Variants in SLC41A2 observed in about 807,000 individuals in gnomAD.
The protein encoded by SLC41A2 is SLC41A1-like 1.
SLC41A2 carries 32 observed loss-of-function variants against 58.3 expected under a neutral mutation model. That is an observed-to-expected ratio of 0.55 (90% CI 0.41 to 0.74). The LOEUF (loss-of-function observed/expected upper bound fraction) is 0.74, where lower values mean the gene tolerates loss of function less well. Among genes scored for constraint, SLC41A2 ranks in the 30% least tolerant of loss-of-function variants. The pLI is 0.00. For synonymous variants in SLC41A2, 190 were observed against 235.0 expected (o/e 0.81, Z 1.75); for missense variants, 514 against 680.6 (o/e 0.76, Z 2.72).
At chr12:104,820,926 T>C (rs1159907926) in intron 10 of SLC41A2, among the ~76,000 whole-genome samples, 1 of 152,120 alleles carries the variant, frequency 6.6e-6, no homozygotes, top group African/African-American at 2.4e-5. Flanking sequence ...ATTACAGGCA[T>C]GAGCCACTGT....
chr12:104,938,820 A>G (rs77771702), intron 1 of SLC41A2, among the ~76,000 whole-genome samples: 5,828 of 152,252 alleles, frequency 0.038, 154 homozygotes, highest in East Asian at 0.11. Flanking sequence ...CTGACCCACA[A>G]ATTCCTATCC....
intron 6 of SLC41A2, among the ~76,000 whole-genome samples, chr12:104,868,049 A>C (rs757164985): frequency 6.6e-6 from 1 of 151,898 alleles, no homozygotes. Context: ...TATACTAATA[A>C]AATTTATTTT....
chr12:104,807,970 G>A (rs1176893871), intron 10 of SLC41A2, among the ~76,000 whole-genome samples: 1 of 152,212 alleles, frequency 6.6e-6, no homozygotes, highest in East Asian at 1.9e-4. Flanking sequence ...TTTGGGCTGA[G>A]ACGATGGGGT....
intron 10 of SLC41A2, among the ~76,000 whole-genome samples, chr12:104,823,358 T>C (rs186787238): frequency 6.6e-6 from 1 of 152,284 alleles, no homozygotes. Flanking sequence ...AGGTAAATGA[T>C]TTCTTTTTAA....
chr12:104,924,482 C>T (rs559967774), intron 2 of SLC41A2, among the ~76,000 whole-genome samples: 13 of 152,228 alleles, frequency 8.5e-5, no homozygotes, highest in Admixed American at 2.6e-4. Context: ...TGGTGGCTCA[C>T]GCCTGTAATC....
At chr12:104,813,124 A>G (rs2041246878) in intron 10 of SLC41A2, among the ~76,000 whole-genome samples, 1 of 152,144 alleles carries the variant, frequency 6.6e-6, no homozygotes, top group South Asian at 2.1e-4. Flanking sequence ...GGTGGCAGTG[A>G]GCTGAGATTG....
intron 6 of SLC41A2, among the ~76,000 whole-genome samples, chr12:104,884,711 A>T (rs908384902): frequency 5.9e-5 from 9 of 152,168 alleles, no homozygotes; most frequent in African/African-American, 1.9e-4. Context: ...GCACTAACTC[A>T]TGCCTAACTC....
At chr12:104,881,095 A>T (rs1252042415) in intron 6 of SLC41A2, among the ~76,000 whole-genome samples, 1 of 152,078 alleles carries the variant, frequency 6.6e-6, no homozygotes, top group East Asian at 1.9e-4. Flanking sequence ...TTTCTAGTTT[A>T]TTTGCGTAGA....
intron 10 of SLC41A2, among the ~76,000 whole-genome samples, chr12:104,833,101 T>C (rs1264529273): frequency 1.3e-5 from 2 of 152,186 alleles, no homozygotes; most frequent in Non-Finnish European, 2.9e-5. Context: ...TTCTCCTGAG[T>C]GAAGAGCAAA....
chr12:104,916,609 C>G (rs1371410103), intron 2 of SLC41A2, among the ~76,000 whole-genome samples: 1 of 151,924 alleles, frequency 6.6e-6, no homozygotes, highest in African/African-American at 2.4e-5. Context: ...CAGCATGGTA[C>G]TGGTACCAAA....
At chr12:104,859,269 C>T (rs1473885677) in intron 8 of SLC41A2, among the ~76,000 whole-genome samples, 1 of 152,064 alleles carries the variant, frequency 6.6e-6, no homozygotes, top group African/African-American at 2.4e-5. Flanking sequence ...GGAAAAAAAC[C>T]ACTGTTAAAT....
intron 10 of SLC41A2, among the ~76,000 whole-genome samples, chr12:104,813,006 C>T (rs1300980553): frequency 6.6e-6 from 1 of 151,802 alleles, no homozygotes; most frequent in Non-Finnish European, 1.5e-5. Flanking sequence ...TGGTGAAACC[C>T]CATCTGTACT....
In SLC41A2 at chr12:104,916,665, C is replaced by T. The variant is rs546454637; in HGVS notation, c.556-6903G>A. Among the ~76,000 whole-genome samples the T allele has an allele frequency of 2.7e-4, 41 of 152,090 alleles. 1 individual carries two copies. The highest frequency in any genetic ancestry group is 7.5e-4 in the African/African-American group (31 of 41,482). On this transcript the variant is annotated intron_variant, in intron 2 of 10. Transcript: ENST00000258538. ...AACAGAACAGAGCCCTCAGAAATAA[C>T]GCCACATATCTACAACTATCTGATC...
In SLC41A2 at chr12:104,869,477, G is replaced by A. The variant is rs183667512; in HGVS notation, c.1028-2898C>T. 1.8e-3 allele frequency among the ~76,000 whole-genome samples: 272 copies of A among 152,008 alleles called. 1 individual carries two copies. The highest frequency in any genetic ancestry group is 5.7e-3 in the African/African-American group (236 of 41,458). ...TGAATCCAGATAAAGAGTATGCAGG[G>A]GTTTTTTTTGTACTGTTTTGATTTT... is the stretch of plus-strand genomic sequence containing the variant. On this transcript the variant is annotated intron_variant, in intron 6 of 10. Coordinates refer to ENST00000258538, the MANE Select transcript of SLC41A2 (RefSeq NM_001352171.3).
chr12:104,952,292 A>G (rs1026758817), intron 1 of SLC41A2, among the ~76,000 whole-genome samples: 1 of 152,210 alleles, frequency 6.6e-6, no homozygotes, highest in African/African-American at 2.4e-5. Context: ...CAGAGACTCA[A>G]TGTTAAAGGA....
intron 4 of SLC41A2, among the ~76,000 whole-genome samples, chr12:104,893,971 A>G (rs563742607): frequency 8.1e-4 from 92 of 113,004 alleles, no homozygotes; most frequent in African/African-American, 2.9e-3. Flanking sequence ...CAATAATGTA[A>G]TTGTACATTA....
At position 104,880,115 on chromosome 12, in the gene SLC41A2, T is replaced by C. The variant is rs1233573961; in HGVS notation, c.1027+6178A>G. Among the ~76,000 whole-genome samples the C allele has an allele frequency of 3.9e-5, 6 of 152,180 alleles. No homozygotes were observed. The East Asian group carries it at 9.6e-4, about 24-fold the overall frequency. On this transcript the variant is annotated intron_variant, in intron 6 of 10. Transcript: ENST00000258538. Reference sequence around the variant, plus strand: ...GTTCACTCATGATTTGGCTCTCTGTTTGTCTGTTATTGGTGTATAGGGATG... The same window carrying C: ...GTTCACTCATGATTTGGCTCTCTGTCTGTCTGTTATTGGTGTATAGGGATG...
At chr12:104,928,865 T>G (rs965603422) in intron 1 of SLC41A2, among the ~76,000 whole-genome samples, 171 bp from the exon 2 acceptor site, 1 of 152,206 alleles carries the variant, frequency 6.6e-6, no homozygotes, top group Admixed American at 6.5e-5. Flanking sequence ...GCCACACAAC[T>G]GCTTTGTGTA....
At chr12:104,939,244 C>G (rs1321009149) in intron 1 of SLC41A2, among the ~76,000 whole-genome samples, 1 of 152,196 alleles carries the variant, frequency 6.6e-6, no homozygotes. Flanking sequence ...GTCACTCAGG[C>G]TAGAGTGCAG....
Sources: allele counts gnomAD v4.1 joint callset (sites outside exome capture counted in the v4.1 genomes callset), GRCh38; gene constraint gnomAD v4.1.1; transcripts MANE v1.5; gene names NCBI Gene and HGNC (gene_info 2026-07-23, HGNC 2026-07-21).